LARP1B: variants seen among roughly 807,000 people sequenced by gnomAD.
LARP1B encodes la-related protein 1B.
LARP1B carries 76 observed loss-of-function variants against 114.2 expected under a neutral mutation model. The observed-to-expected ratio is 0.67, with a 90% CI of 0.55 to 0.81. LARP1B has a LOEUF of 0.81. Among genes scored for constraint, LARP1B ranks in the 30% least tolerant of loss-of-function variants. The pLI is 0.00. For synonymous variants in LARP1B, 345 were observed against 348.0 expected (o/e 0.99, Z 0.10); for missense variants, 1,014 against 1,075.8 (o/e 0.94, Z 0.80).
intron 11 of LARP1B, among the ~76,000 whole-genome samples, chr4:128,148,725 G>T (rs976975990): frequency 1.9e-4 from 29 of 152,140 alleles, no homozygotes; most frequent in African/African-American, 6.7e-4. Flanking sequence ...CACCCTCGGG[G>T]TTCAAGCAAT....
intron 15 of LARP1B, among the ~76,000 whole-genome samples, chr4:128,197,319 A>G (rs950678971): frequency 6.6e-6 from 1 of 152,252 alleles, no homozygotes; most frequent in Non-Finnish European, 1.5e-5. Flanking sequence ...GACAAATACA[A>G]GATTTCCAAA....
chr4:128,084,299 C>G (rs1772335495), intron 5 of LARP1B, among the ~76,000 whole-genome samples: 1 of 152,186 alleles, frequency 6.6e-6, no homozygotes, highest in African/African-American at 2.4e-5. Flanking sequence ...TTGTAGCGAG[C>G]TGAGATCACG....
chr4:128,098,196 T>A lies in LARP1B; in HGVS notation c.679T>A (p.Phe227Ile). Residue 227 changes from phenylalanine to isoleucine, a missense_variant, in exon 8 of 20, where the codon TTC becomes ATC. Transcript: ENST00000326639. ...GATTTCTCTTTTCAGTGAATATTAC[T>A]TCAGTGTAGAAAATTTGGAACGAGA... ...EYIKRQIEYY[F>I]SVENLERDFF... is the part of the protein sequence containing the mutation. 1 of 1,608,712 alleles carries A rather than the reference T, an allele frequency of 6.2e-7. No individual in the cohort carries two copies. The highest frequency in any genetic ancestry group is 8.5e-7 in the Non-Finnish European group (1 of 1,175,166).
At chr4:128,177,847 G>A (rs555758802) in intron 13 of LARP1B, among the ~76,000 whole-genome samples, 1 of 152,162 alleles carries the variant, frequency 6.6e-6, no homozygotes, top group South Asian at 2.1e-4. Context: ...GCTTGTACCT[G>A]TACAGAGACA....
At chr4:128,190,109 G>A (rs1320061642) in intron 15 of LARP1B, among the ~76,000 whole-genome samples, 1 of 152,188 alleles carries the variant, frequency 6.6e-6, no homozygotes, top group Non-Finnish European at 1.5e-5. Flanking sequence ...GAAAAGATGG[G>A]TCTAGTAGTG....
At chr4:128,138,554 G>T (rs908829840) in intron 11 of LARP1B, among the ~76,000 whole-genome samples, 10 of 152,190 alleles carry the variant, frequency 6.6e-5, no homozygotes, top group Admixed American at 1.3e-4. Flanking sequence ...GGAAAGGGTA[G>T]TGGTGGGGGA....
chr4:128,209,312 T>G (rs1381956814), intron 19 of LARP1B, among the ~76,000 whole-genome samples: 1 of 152,128 alleles, frequency 6.6e-6, no homozygotes, highest in Admixed American at 6.6e-5. Context: ...TCCCAGCTAC[T>G]TGGGAGGCTG....
At chr4:128,116,903 AT>A (rs1048047751) in intron 10 of LARP1B, among the ~76,000 whole-genome samples, 3 of 134,252 alleles carry the variant, frequency 2.2e-5, no homozygotes, top group Non-Finnish European at 3.2e-5. Flanking sequence ...TTATCAAGTG[AT>A]TTTTTTTTCC....
At chr4:128,213,972 G>A (rs1216816836), downstream of LARP1B, among the ~76,000 whole-genome samples, 1 of 151,770 alleles carries the variant, frequency 6.6e-6, no homozygotes, top group Non-Finnish European at 1.5e-5. Flanking sequence ...GAAGCAGGGC[G>A]AGGCATTGCC....
chr4:128,205,294 T>C (rs1240066851), intron 17 of LARP1B, among the ~76,000 whole-genome samples: 2 of 152,258 alleles, frequency 1.3e-5, no homozygotes, highest in Non-Finnish European at 2.9e-5. Flanking sequence ...GGTTGTAACC[T>C]TTCTGCTGAG....
chr4:128,157,949 A>G (rs35668978), intron 11 of LARP1B, among the ~76,000 whole-genome samples: 31,178 of 152,076 alleles, frequency 0.21, 3,906 homozygotes, highest in Middle Eastern at 0.26. Flanking sequence ...ATGAAGAGCA[A>G]TGGGAAGGGT....
intron 5 of LARP1B, among the ~76,000 whole-genome samples, chr4:128,086,414 C>T (rs896277251): frequency 6.6e-6 from 1 of 152,092 alleles, no homozygotes; most frequent in Non-Finnish European, 1.5e-5. Flanking sequence ...CTGCAACCTT[C>T]ACTTCCTAGG....
intron 7 of LARP1B, among the ~76,000 whole-genome samples, chr4:128,093,962 C>G (rs1395250311): frequency 1.3e-5 from 2 of 151,916 alleles, no homozygotes; most frequent in Admixed American, 6.6e-5. Flanking sequence ...CCACCCACAT[C>G]AGCTTCCCAG....
chr4:128,122,172 A>G lies in LARP1B; in HGVS notation c.1508A>G (p.Lys503Arg), dbSNP rs1561310440. ...QDLWMEEDEN[K>R]HTAIKQEVEN... The stretch of plus-strand genomic sequence containing the variant: ...CTATGGATGGAAGAAGATGAAAACA[A>G]ACACACAGCCATAAAGGTAATTGTT... The change falls in exon 11 of 20, where the codon AAA (lysine) becomes AGA (arginine). Residue 503 changes from lysine (K) to arginine (R), a missense_variant. Coordinates refer to ENST00000326639, the MANE Select transcript of LARP1B (RefSeq NM_018078.4). 7.4e-6 allele frequency: 12 copies of G among 1,613,976 alleles called. No individual in the cohort carries two copies. The Middle Eastern group carries it at 8.2e-4, about 111-fold the overall frequency.
chr4:128,163,858 G>A (rs1739561796), intron 12 of LARP1B, among the ~76,000 whole-genome samples: 1 of 151,984 alleles, frequency 6.6e-6, no homozygotes, highest in East Asian at 1.9e-4. Flanking sequence ...AGTAATAATG[G>A]AGTTGGACTG....
At chr4:128,194,607 C>T (rs971259370) in intron 15 of LARP1B, among the ~76,000 whole-genome samples, 3 of 147,850 alleles carry the variant, frequency 2.0e-5, no homozygotes, top group Non-Finnish European at 4.5e-5. Flanking sequence ...GGCGTGAACC[C>T]GGGAGGCGGA....
intron 15 of LARP1B, among the ~76,000 whole-genome samples, chr4:128,196,064 A>G (rs1466063548): frequency 6.6e-6 from 1 of 151,936 alleles, no homozygotes; most frequent in Non-Finnish European, 1.5e-5. Flanking sequence ...CCAGCTTGCC[A>G]ATATGGTGAA....
intron 8 of LARP1B, 22 bp from the exon 9 acceptor site, chr4:128,107,117 A>G (rs767707802): frequency 6.3e-7 from 1 of 1,594,660 alleles, no homozygotes; most frequent in Non-Finnish European, 8.6e-7. Context: ...CATAATTTTA[A>G]TAGCTCAATT....
chr4:128,194,440 T>C (rs1753340457), intron 15 of LARP1B, among the ~76,000 whole-genome samples: 2 of 148,622 alleles, frequency 1.3e-5, no homozygotes, highest in Admixed American at 6.7e-5. Context: ...CCCAGCACTT[T>C]GGGAGGCCGA....
Sources: gnomAD v4.1 joint callset for allele counts (sites outside exome capture counted in the v4.1 genomes callset) on GRCh38, gnomAD v4.1.1 for gene constraint, MANE v1.5 for transcripts, NCBI Gene and HGNC (gene_info 2026-07-23, HGNC 2026-07-21) for gene names.